Variants in ALK observed in about 807,000 individuals in gnomAD.
The protein encoded by ALK is ALK tyrosine kinase receptor.
In ALK, 74 loss-of-function variants were observed where a neutral mutation model predicts 163.1. The observed-to-expected ratio is 0.45, with a 90% CI of 0.38 to 0.55. ALK has a LOEUF of 0.55. Among genes scored for constraint, ALK ranks in the 20% least tolerant of loss-of-function variants. The pLI, the probability that ALK is intolerant of heterozygous loss-of-function variation, is 0.00. For missense variants in ALK, 2,063 were observed against 2,105.3 expected, an observed-to-expected ratio of 0.98 and a Z score of 0.39; for synonymous variants, 960 against 843.2, an observed-to-expected ratio of 1.14 and a Z score of -2.40.
intron 8 of ALK, among the ~76,000 whole-genome samples, chr2:29,305,134 A>G (rs1195970748): frequency 6.6e-6 from 1 of 152,168 alleles, no homozygotes; most frequent in Non-Finnish European, 1.5e-5. Flanking sequence ...TTCATCTTGG[A>G]CTTTGAGTAA....
chr2:29,854,649 G>A (rs1213586266), intron 1 of ALK, among the ~76,000 whole-genome samples: 1 of 152,192 alleles, frequency 6.6e-6, no homozygotes, highest in Non-Finnish European at 1.5e-5. Flanking sequence ...ATCATCCACT[G>A]TTGGACTTTA....
intron 5 of ALK, among the ~76,000 whole-genome samples, chr2:29,350,563 G>C (rs1668085501): frequency 6.6e-6 from 1 of 152,158 alleles, no homozygotes; most frequent in African/African-American, 2.4e-5. Flanking sequence ...GGGCCTTCTA[G>C]GCTTCTCAGT....
chr2:29,200,854 C>CGT (rs1440357133), intron 26 of ALK, among the ~76,000 whole-genome samples: 4 of 144,174 alleles, frequency 2.8e-5, no homozygotes, highest in African/African-American at 7.6e-5. Flanking sequence ...TATATAGATA[C>CGT]GTATATATAT....
intron 1 of ALK, among the ~76,000 whole-genome samples, chr2:29,769,320 T>C (rs530191149): frequency 2.0e-5 from 3 of 152,190 alleles, no homozygotes; most frequent in Non-Finnish European, 4.4e-5. Flanking sequence ...ATGACGTGTC[T>C]CTTCATTTCT....
intron 3 of ALK, among the ~76,000 whole-genome samples, chr2:29,684,975 C>T (rs1037251963): frequency 2.0e-5 from 3 of 152,220 alleles, no homozygotes; most frequent in Non-Finnish European, 4.4e-5. Flanking sequence ...TCTTGGAACA[C>T]TGCAATGAAT....
chr2:29,405,233 T>C (rs1193841405), intron 4 of ALK, among the ~76,000 whole-genome samples: 2 of 152,128 alleles, frequency 1.3e-5, no homozygotes, highest in Non-Finnish European at 2.9e-5. Context: ...AAGGTCTAGT[T>C]AGATGGAGAA....
intron 3 of ALK, among the ~76,000 whole-genome samples, chr2:29,626,073 A>C (rs1469438937): frequency 1.3e-5 from 2 of 152,242 alleles, no homozygotes; most frequent in African/African-American, 2.4e-5. Flanking sequence ...GGGCTCTAAG[A>C]ACTACTGATG....
chr2:29,716,198 ATACT>A (rs1400417686), intron 2 of ALK, among the ~76,000 whole-genome samples: 3 of 152,228 alleles, frequency 2.0e-5, no homozygotes, highest in Non-Finnish European at 4.4e-5. Flanking sequence ...AGGTTTATAA[ATACT>A]TAATTGAATC....
At chr2:29,474,141 G>C (rs1671443960) in intron 4 of ALK, among the ~76,000 whole-genome samples, 1 of 152,064 alleles carries the variant, frequency 6.6e-6, no homozygotes, top group Admixed American at 6.5e-5. Context: ...GATATATTGT[G>C]GTATGTTTAT....
intron 1 of ALK, among the ~76,000 whole-genome samples, chr2:29,914,502 T>TA (rs1287394743): frequency 2.0e-5 from 3 of 152,182 alleles, no homozygotes; most frequent in Admixed American, 1.3e-4. Context: ...TGCTATTATA[T>TA]AAAAAAACAA....
At chr2:29,696,664 G>T (rs886114183) in intron 2 of ALK, among the ~76,000 whole-genome samples, 2 of 151,696 alleles carry the variant, frequency 1.3e-5, no homozygotes, top group African/African-American at 4.8e-5. Flanking sequence ...GATCATTAGC[G>T]TATCATTATA....
intron 8 of ALK, among the ~76,000 whole-genome samples, chr2:29,304,206 T>G (rs938738185): frequency 1.3e-5 from 2 of 152,142 alleles, no homozygotes; most frequent in African/African-American, 4.8e-5. Context: ...TTGTTAGAAA[T>G]GCAGAATCTG....
intron 5 of ALK, among the ~76,000 whole-genome samples, chr2:29,335,543 T>G (rs1667585682): frequency 6.6e-6 from 1 of 152,124 alleles, no homozygotes; most frequent in Non-Finnish European, 1.5e-5. Context: ...TTGCAAGTGG[T>G]CTCACAGCTA....
chr2:29,500,548 C>T lies in ALK; in HGVS notation c.1154+31367G>A, dbSNP rs116830722. On this transcript the variant is annotated intron_variant, in intron 4 of 28. Transcript: ENST00000389048. ...TGGCCACCTATTCTTTTTCTTCTACCTGGTCTAGCCTCTTCTTTTTTTTTC... is the reference window on the plus strand; with the variant it reads ...TGGCCACCTATTCTTTTTCTTCTACTTGGTCTAGCCTCTTCTTTTTTTTTC... Among the ~76,000 whole-genome samples the T allele has an allele frequency of 7.0e-3, 1,066 of 152,242 alleles. 9 individuals carry two copies. The highest frequency in any genetic ancestry group is 0.023 in the African/African-American group (963 of 41,532).
intron 3 of ALK, among the ~76,000 whole-genome samples, chr2:29,628,727 C>G (rs1174306825): frequency 6.6e-6 from 1 of 152,158 alleles, no homozygotes; most frequent in East Asian, 1.9e-4. Context: ...AAACTGTTTG[C>G]TAAACTAGTT....
At chr2:29,597,179 T>C (rs1675239868) in intron 3 of ALK, among the ~76,000 whole-genome samples, 1 of 152,120 alleles carries the variant, frequency 6.6e-6, no homozygotes, top group African/African-American at 2.4e-5. Context: ...TTATTAAAAG[T>C]GGGTGGAGGA....
At chr2:29,302,203 G>T (rs1969528) in intron 8 of ALK, among the ~76,000 whole-genome samples, 27 of 152,244 alleles carry the variant, frequency 1.8e-4, no homozygotes, top group Admixed American at 9.8e-4. Flanking sequence ...TTCAGAGCTA[G>T]GAACAAATAG....
At chr2:29,251,438 C>T (rs1664813551) in intron 11 of ALK, among the ~76,000 whole-genome samples, 171 bp from the exon 12 acceptor site, 1 of 152,236 alleles carries the variant, frequency 6.6e-6, no homozygotes, top group Non-Finnish European at 1.5e-5. Context: ...GAAACTTCCA[C>T]AGAAAGCCTA....
At chr2:29,730,667 A>G (rs529527682) in intron 1 of ALK, among the ~76,000 whole-genome samples, 2 of 152,348 alleles carry the variant, frequency 1.3e-5, no homozygotes, top group South Asian at 2.1e-4. Flanking sequence ...CTTTTTTCAT[A>G]TCATGACACA....
Sources: gnomAD v4.1 joint callset for allele counts (sites outside exome capture counted in the v4.1 genomes callset) on GRCh38, gnomAD v4.1.1 for gene constraint, MANE v1.5 for transcripts, NCBI Gene and HGNC (gene_info 2026-07-23, HGNC 2026-07-21) for gene names.